Variants in CDH23 observed in about 807,000 individuals in gnomAD.
CDH23 encodes cadherin-23.
Under a neutral mutation model 317.1 loss-of-function variants are expected in CDH23, and 189 were observed. The observed-to-expected ratio is 0.60, with a 90% CI of 0.53 to 0.67. CDH23 has a LOEUF of 0.67. Among genes scored for constraint, CDH23 ranks in the 30% least tolerant of loss-of-function variants. CDH23 has a pLI of 0.00. For synonymous variants in CDH23, 1,839 were observed against 1,876.8 expected (o/e 0.98, Z 0.52); for missense variants, 4,401 against 4,592.4 (o/e 0.96, Z 1.20).
chr10:71,703,924 G>A (rs1161049630), intron 24 of CDH23, among the ~76,000 whole-genome samples: 2 of 152,264 alleles, frequency 1.3e-5, no homozygotes, highest in Non-Finnish European at 2.9e-5. Context: ...AGAGGAAGGA[G>A]CGGGGAGCGT....
intron 11 of CDH23, among the ~76,000 whole-genome samples, chr10:71,628,163 G>A (rs572444924): frequency 1.8e-4 from 27 of 152,244 alleles, no homozygotes; most frequent in Non-Finnish European, 3.2e-4. Context: ...CATGGGCCGT[G>A]AAATGTCCTA....
At chr10:71,503,062 C>A (rs1853426678) in intron 3 of CDH23, among the ~76,000 whole-genome samples, 1 of 152,248 alleles carries the variant, frequency 6.6e-6, no homozygotes, top group Non-Finnish European at 1.5e-5. Context: ...CAGCATGGGC[C>A]CAGTGGGGCC....
chr10:71,807,140 G>A (rs1324395734), intron 57 of CDH23, 137 bp from the exon 58 acceptor site: 8 of 1,101,460 alleles, frequency 7.3e-6, no homozygotes, highest in South Asian at 3.3e-5. Context: ...AGGTTACAAC[G>A]GTTCTACTCA....
chr10:71,792,008 A>G (rs1841263605), intron 47 of CDH23, among the ~76,000 whole-genome samples: 1 of 152,194 alleles, frequency 6.6e-6, no homozygotes, highest in East Asian at 1.9e-4. Context: ...ATTTTGAAAA[A>G]CATAAGTATA....
intron 14 of CDH23, among the ~76,000 whole-genome samples, chr10:71,662,566 C>T (rs1253806835): frequency 6.6e-6 from 1 of 152,184 alleles, no homozygotes; most frequent in Non-Finnish European, 1.5e-5. Context: ...AGGGGGTTGA[C>T]TGGACTGTCT....
intron 6 of CDH23, among the ~76,000 whole-genome samples, chr10:71,555,741 T>C (rs868409895): frequency 7.9e-5 from 12 of 152,256 alleles, no homozygotes; most frequent in Middle Eastern, 6.8e-3. Context: ...AGTCTCTGAA[T>C]AGGAAGGAGC....
At chr10:71,610,832 C>G (rs1246864937) in intron 9 of CDH23, among the ~76,000 whole-genome samples, 1 of 152,044 alleles carries the variant, frequency 6.6e-6, no homozygotes, top group Non-Finnish European at 1.5e-5. Flanking sequence ...GGAAAACCAG[C>G]AGGGCCAGTA....
chr10:71,710,343 G>C (rs1002737861), intron 27 of CDH23, among the ~76,000 whole-genome samples: 2 of 152,242 alleles, frequency 1.3e-5, no homozygotes, highest in Admixed American at 1.3e-4. Flanking sequence ...ACTGTAGCCA[G>C]GGAAGTGAGA....
intron 26 of CDH23, among the ~76,000 whole-genome samples, chr10:71,708,727 G>T (rs1448812824): frequency 2.0e-5 from 3 of 152,204 alleles, no homozygotes; most frequent in African/African-American, 7.2e-5. Context: ...TCTGCAGGAC[G>T]GGCAGGGAGC....
At chr10:71,716,040 G>C (rs2132769873) in intron 28 of CDH23, 1 of 1,508,690 alleles carries the variant, frequency 6.6e-7, no homozygotes, top group Non-Finnish European at 8.9e-7. Flanking sequence ...AAGCTGTGCA[G>C]GGAGAGGCGC....
chr10:71,805,756 C>G, intron 55 of CDH23, 50 bp from the exon 56 acceptor site: 1 of 1,547,446 alleles, frequency 6.5e-7, no homozygotes, highest in Non-Finnish European at 8.7e-7. Flanking sequence ...GACCTAGGAG[C>G]TGAGATTCTT....
intron 6 of CDH23, among the ~76,000 whole-genome samples, chr10:71,533,570 C>CACACACACACA (rs1855536445): frequency 3.6e-5 from 4 of 112,312 alleles, no homozygotes; most frequent in African/African-American, 1.0e-4. Context: ...CACACACACA[C>CACACACACACA]TGGCTGGGGC....
intron 28 of CDH23, among the ~76,000 whole-genome samples, chr10:71,721,941 A>G (rs956138754): frequency 1.3e-5 from 2 of 152,014 alleles, no homozygotes; most frequent in Non-Finnish European, 2.9e-5. Flanking sequence ...GTTCTTCCCA[A>G]CCTTCTCTGC....
At chr10:71,515,307 C>G (rs1352709165) in intron 6 of CDH23, among the ~76,000 whole-genome samples, 2 of 151,576 alleles carry the variant, frequency 1.3e-5, no homozygotes, top group Non-Finnish European at 2.9e-5. Flanking sequence ...TTCATATGAA[C>G]TCTCCTATCA....
At chr10:71,777,627 A>G in intron 38 of CDH23, 53 bp from the exon 39 acceptor site, 2 of 1,513,040 alleles carry the variant, frequency 1.3e-6, no homozygotes, top group Non-Finnish European at 1.8e-6. Flanking sequence ...ATCTGGATCC[A>G]CCTTGGTCCC....
intron 30 of CDH23, among the ~76,000 whole-genome samples, chr10:71,730,028 G>A (rs1470418798): frequency 2.0e-5 from 3 of 152,012 alleles, no homozygotes; most frequent in Admixed American, 6.5e-5. Context: ...TAGAGATGGG[G>A]TTTCACCGTG....
rs1034141023 is a variant in CDH23, at chr10:71,677,408, GT to G, written c.1515-44del. The stretch of plus-strand genomic sequence containing the variant: ...AAATGCCGGCCCCATCAACAAGCCT[GT>G]TTTAAACCACGGTGTTCCTTCTCTC... On this transcript the variant is annotated intron_variant, in intron 15 of 69. Transcript: ENST00000224721. 6 of 1,494,428 alleles carry G rather than the reference GT, an allele frequency of 4.0e-6. No individual in the cohort carries two copies. In the African/African-American group the frequency reaches 6.9e-5, roughly 17 times the overall value. The allele number at this position is 1,494,428 out of a possible 1,614,324, so 92.6% of individuals were successfully genotyped here.
At chr10:71,413,317 G>A (rs967770479) in intron 1 of CDH23, among the ~76,000 whole-genome samples, 1 of 152,102 alleles carries the variant, frequency 6.6e-6, no homozygotes, top group Non-Finnish European at 1.5e-5. Flanking sequence ...TAGGCTCTCG[G>A]TTCTGTTCCA....
chr10:71,472,390 G>A (rs112735007), intron 3 of CDH23, among the ~76,000 whole-genome samples: 13 of 152,302 alleles, frequency 8.5e-5, no homozygotes, highest in East Asian at 3.9e-4. Context: ...TCACCACACC[G>A]CCCTGTTTGG....
Sources: gnomAD v4.1 joint callset for allele counts (sites outside exome capture counted in the v4.1 genomes callset) on GRCh38, gnomAD v4.1.1 for gene constraint, MANE v1.5 for transcripts, NCBI Gene and HGNC (gene_info 2026-07-23, HGNC 2026-07-21) for gene names.